TRPM3: variants seen among roughly 807,000 people sequenced by gnomAD.
The protein encoded by TRPM3 is transient receptor potential cation channel subfamily M member 3.
A neutral mutation model predicts 181.2 loss-of-function variants in TRPM3; 77 were observed. That is an observed-to-expected ratio of 0.42 (90% CI 0.35 to 0.51). The LOEUF (loss-of-function observed/expected upper bound fraction) is 0.51. TRPM3 is among the 20% of genes least tolerant of loss of function. TRPM3 has a pLI of 0.01. For missense variants in TRPM3, 1,759 were observed against 2,196.7 expected (o/e 0.80, Z 3.98); for synonymous variants, 745 against 796.4 (o/e 0.94, Z 1.09).
At position 70,921,962 on chromosome 9, in the gene TRPM3, C is replaced by T. The variant is rs189611530; in HGVS notation, c.178-57451G>A. 4.6e-3 allele frequency among the ~76,000 whole-genome samples: 698 copies of T among 151,740 alleles called. 4 individuals are homozygous for T. Among genetic ancestry groups the T allele is most frequent in the Middle Eastern group, 0.014 (4 of 294 alleles). On this transcript the variant is annotated intron_variant, in intron 1 of 25. Coordinates refer to ENST00000677713, the MANE Select transcript of TRPM3 (RefSeq NM_001366145.2). ...AAACAAACACACACACACACACACA[C>T]ACACACACACACATATAGTTATTTT... is the stretch of plus-strand genomic sequence containing the variant.
intron 22 of TRPM3, among the ~76,000 whole-genome samples, 156 bp from the exon 23 acceptor site, chr9:70,553,466 G>C (rs1018149413): frequency 1.3e-5 from 2 of 152,162 alleles, no homozygotes; most frequent in Non-Finnish European, 2.9e-5. Context: ...AAAAATGAGA[G>C]CTTCATGAAT....
intron 6 of TRPM3, among the ~76,000 whole-genome samples, chr9:70,800,585 C>A (rs1310225686): frequency 6.6e-6 from 1 of 152,162 alleles, no homozygotes; most frequent in African/African-American, 2.4e-5. Context: ...TTCTTCTCAG[C>A]CTACTCGGTA....
At chr9:70,653,081 G>T (rs2059796984) in intron 9 of TRPM3, among the ~76,000 whole-genome samples, 2 of 152,176 alleles carry the variant, frequency 1.3e-5, no homozygotes, top group African/African-American at 2.4e-5. Flanking sequence ...AGTGTAAAAG[G>T]AAAGAACATG....
chr9:70,598,438 A>C lies in TRPM3; in HGVS notation c.3029T>G (p.Val1010Gly). The part of the protein sequence containing the change: ...FGVNKYLGPY[V>G]MMIGKMMIDM... ...GCTTACCATTTTTCCAATCATCATT[A>C]CATACGGGCCCAAATACTTGTTCAC... The change falls in exon 21 of 26, where the codon GTA becomes GGA. Residue 1010 changes from valine (V) to glycine (G), a missense_variant. Physicochemically the swap from Val to Gly is moderately radical, Grantham distance 109 (BLOSUM62 -3). Around this residue, in one of 8 missense-constraint regions of TRPM3, gnomAD observed 94 missense variants for 221.3 expected, o/e 0.42. Transcript: ENST00000677713. 1 of 1,614,178 alleles carries C rather than the reference A, an allele frequency of 6.2e-7. No homozygotes were observed. Among genetic ancestry groups the C allele is most frequent in the South Asian group, 1.1e-5 (1 of 91,086 alleles).
At chr9:71,021,354 A>C (rs1158596958) in intron 1 of TRPM3, among the ~76,000 whole-genome samples, 1 of 152,176 alleles carries the variant, frequency 6.6e-6, no homozygotes, top group Non-Finnish European at 1.5e-5. Flanking sequence ...CTTCACTAAA[A>C]AAATTCCGAA....
intron 1 of TRPM3, among the ~76,000 whole-genome samples, chr9:71,327,412 G>A (rs534771749): frequency 3.9e-5 from 6 of 152,134 alleles, no homozygotes; most frequent in Non-Finnish European, 8.8e-5. Flanking sequence ...CCCAAGAAAT[G>A]TCCCCTTCAG....
chr9:70,852,075 C>T (rs962413997), intron 3 of TRPM3, among the ~76,000 whole-genome samples: 6 of 139,908 alleles, frequency 4.3e-5, no homozygotes, highest in South Asian at 2.3e-4. Context: ...GCTGAGATCA[C>T]GCCACTGCAC....
chr9:71,064,158 C>A (rs997073947), intron 1 of TRPM3, among the ~76,000 whole-genome samples: 1 of 152,084 alleles, frequency 6.6e-6, no homozygotes, highest in African/African-American at 2.4e-5. Context: ...TAAAGTAATT[C>A]TTTTCGGTAA....
At chr9:70,584,331 T>C (rs1272099596) in intron 22 of TRPM3, among the ~76,000 whole-genome samples, 1 of 152,218 alleles carries the variant, frequency 6.6e-6, no homozygotes, top group East Asian at 1.9e-4. Flanking sequence ...CGAGGCAATG[T>C]CTGCATTTTT....
chr9:70,842,916 G>A (rs1337031), intron 5 of TRPM3, 87 bp downstream of exon 5: 765,820 of 1,342,314 alleles, frequency 0.57, 221,681 homozygotes, highest in Non-Finnish European at 0.58. Context: ...ATACTATAAT[G>A]TGCACATTTT....
intron 1 of TRPM3, among the ~76,000 whole-genome samples, chr9:71,218,774 G>A (rs564497016): frequency 5.9e-5 from 9 of 152,260 alleles, no homozygotes; most frequent in Middle Eastern, 3.4e-3. Context: ...AAAGCATAGC[G>A]ATTTTTTTGG....
At chr9:71,044,930 C>G (rs1196211394) in intron 1 of TRPM3, among the ~76,000 whole-genome samples, 1 of 152,134 alleles carries the variant, frequency 6.6e-6, no homozygotes, top group East Asian at 1.9e-4. Context: ...CTCGGCCTCC[C>G]AAAGTGCTGG....
intron 6 of TRPM3, among the ~76,000 whole-genome samples, chr9:70,790,104 T>C (rs183079142): frequency 9.2e-5 from 14 of 152,292 alleles, no homozygotes; most frequent in East Asian, 5.8e-4. Context: ...AATAGTAAAA[T>C]GCCTGGGTAA....
intron 1 of TRPM3, among the ~76,000 whole-genome samples, chr9:70,956,704 G>C (rs1421213209): frequency 1.3e-5 from 2 of 151,908 alleles, no homozygotes; most frequent in African/African-American, 4.8e-5. Context: ...GGGCAACATA[G>C]CAAGACCCCA....
intron 6 of TRPM3, among the ~76,000 whole-genome samples, chr9:70,816,613 G>T (rs2092714417): frequency 6.6e-6 from 1 of 151,928 alleles, no homozygotes; most frequent in South Asian, 2.1e-4. Flanking sequence ...TATCTTCCAG[G>T]ATTCATCTTA....
chr9:71,199,455 T>C (rs1317907633), intron 1 of TRPM3, among the ~76,000 whole-genome samples: 2 of 152,118 alleles, frequency 1.3e-5, no homozygotes, highest in Admixed American at 6.6e-5. Context: ...ATGGTACCAG[T>C]TCCTCCTTGT....
chr9:71,408,489 G>C (rs1161452805), intron 1 of TRPM3, among the ~76,000 whole-genome samples: 2 of 151,810 alleles, frequency 1.3e-5, no homozygotes, highest in East Asian at 3.9e-4. Flanking sequence ...CAATCAAGTG[G>C]AAAAAAGGGT....
At chr9:70,923,559 T>C (rs1331148443) in intron 1 of TRPM3, among the ~76,000 whole-genome samples, 2 of 152,020 alleles carry the variant, frequency 1.3e-5, no homozygotes, top group Admixed American at 6.6e-5. Flanking sequence ...TATAAAGTAA[T>C]GCCATTAATA....
intron 1 of TRPM3, among the ~76,000 whole-genome samples, chr9:71,267,032 A>G (rs1279225067): frequency 6.6e-6 from 1 of 152,166 alleles, no homozygotes; most frequent in Non-Finnish European, 1.5e-5. Flanking sequence ...TTTAGAAAAA[A>G]TTAAGAAAGC....
Sources: allele counts gnomAD v4.1 joint callset (sites outside exome capture counted in the v4.1 genomes callset), GRCh38; gene constraint gnomAD v4.1.1; regional missense constraint gnomAD v4.1.1; transcripts MANE v1.5; gene names NCBI Gene and HGNC (gene_info 2026-07-23, HGNC 2026-07-21).